Variants in CHRM3 observed in about 807,000 individuals in gnomAD.
CHRM3 encodes cholinergic receptor muscarinic 3, also known as muscarinic acetylcholine receptor M3.
CHRM3 carries 11 observed loss-of-function variants against 41.8 expected under a neutral mutation model. That is an observed-to-expected ratio of 0.26 (90% CI 0.17 to 0.44). The LOEUF (loss-of-function observed/expected upper bound fraction) is 0.44, where lower values mean the gene tolerates loss of function less well. Among genes scored for constraint, CHRM3 ranks in the 20% least tolerant of loss-of-function variants. The pLI is 1.00. For missense variants in CHRM3, 571 were observed against 745.4 expected, an observed-to-expected ratio of 0.77 and a Z score of 2.72; for synonymous variants, 297 against 301.4, an observed-to-expected ratio of 0.99 and a Z score of 0.15.
rs531451428 is a variant in CHRM3, at chr1:239,903,328, C to G, written c.-19-4105C>G. 7.2e-5 allele frequency among the ~76,000 whole-genome samples: 11 copies of G among 152,244 alleles called. No individual in the cohort carries two copies. The South Asian group carries it at 2.1e-3, about 29-fold the overall frequency. On this transcript the variant is annotated intron_variant, in intron 6 of 6. Coordinates refer to ENST00000676153, the MANE Select transcript of CHRM3 (RefSeq NM_001375978.1). ...ATGTATACAAACATAATGTGATTATCCACAGAGAGTAATTTGATATTGCCT... is the reference window on the plus strand; with the variant it reads ...ATGTATACAAACATAATGTGATTATGCACAGAGAGTAATTTGATATTGCCT...
At chr1:239,631,235 A>G (rs1340354468) in intron 3 of CHRM3, among the ~76,000 whole-genome samples, 2 of 151,968 alleles carry the variant, frequency 1.3e-5, no homozygotes, top group African/African-American at 4.8e-5. Context: ...TTGCTGTAAA[A>G]CTCTCTCGAA....
At position 239,908,768 on chromosome 1, in the gene CHRM3, G is replaced by C; in HGVS notation, c.1317G>C (p.Lys439Asn). ...TAGAGTCAGCCGTGGACACAGCTAA[G>C]ACTTCTGACGTCAACTCCTCAGTGG... ...IQLESAVDTA[K>N]TSDVNSSVGK... is the part of the protein sequence containing the mutation. Residue 439 changes from lysine (K) to asparagine (N), a missense_variant, in exon 7 of 7, where the codon AAG becomes AAC. Lys to Asn is a moderately conservative substitution (Grantham distance 94). Coordinates refer to ENST00000676153, the MANE Select transcript of CHRM3 (RefSeq NM_001375978.1). The surrounding 1 kb of genome is among the most constrained non-coding windows in gnomAD (Gnocchi z 7.2). The C allele has an allele frequency of 3.1e-6, 5 of 1,614,072 alleles. No individual in the cohort carries two copies. The highest frequency in any genetic ancestry group is 4.2e-6 in the Non-Finnish European group (5 of 1,180,008).
chr1:239,828,688 A>T (rs1445129937), intron 6 of CHRM3, among the ~76,000 whole-genome samples: 1 of 151,948 alleles, frequency 6.6e-6, no homozygotes, highest in African/African-American at 2.4e-5. Flanking sequence ...GCAAGGGGAG[A>T]GGGGTATGAG....
intron 5 of CHRM3, chr1:239,720,167 T>C (rs1662820855): frequency 6.6e-6 from 1 of 152,020 alleles, no homozygotes; most frequent in Non-Finnish European, 1.5e-5. Flanking sequence ...ATTTACACGC[T>C]GCGTTTGCAA....
intron 2 of CHRM3, among the ~76,000 whole-genome samples, chr1:239,508,017 A>G (rs531315091): frequency 3.3e-5 from 5 of 152,342 alleles, no homozygotes; most frequent in East Asian, 1.9e-4. Flanking sequence ...TGAGGCAGAA[A>G]ATATTAATTC....
intron 5 of CHRM3, among the ~76,000 whole-genome samples, chr1:239,752,735 G>A (rs1558512543): frequency 1.3e-5 from 2 of 152,114 alleles, no homozygotes; most frequent in Non-Finnish European, 2.9e-5. Flanking sequence ...AGATAGAATA[G>A]TTTAATAAAG....
chr1:239,859,425 T>G lies in CHRM3; in HGVS notation c.-20+32047T>G, dbSNP rs74991201. ...TTTTGTTGTTGTTGTTGTTGTTTTT[T>G]TTTTTTGTTTTTTTTTTTGAGGTGG... is the stretch of plus-strand genomic sequence containing the variant. On this transcript the variant is annotated intron_variant, in intron 6 of 6. Transcript: ENST00000676153. 5.3e-3 allele frequency among the ~76,000 whole-genome samples: 753 copies of G among 141,138 alleles called. 9 individuals carry two copies. Among genetic ancestry groups the G allele is most frequent in the South Asian group, 0.024 (110 of 4,518 alleles). The allele number at this position is 141,138 out of a possible 152,430, so 92.6% of individuals were successfully genotyped here. A position where few individuals can be genotyped will look rare whatever the true frequency, so the allele number is the denominator to read the frequency against.
rs146641023 is a variant in CHRM3, at chr1:239,902,792, G to A, written c.-19-4641G>A. On this transcript the variant is annotated intron_variant, in intron 6 of 6. Transcript: ENST00000676153. ...TTAACTCGTTAACTTATTAACTCTT[G>A]TCCTTTGGATGTTGTATCACATGGG... is the stretch of plus-strand genomic sequence containing the variant. Among the ~76,000 whole-genome samples, 8 of 152,298 alleles carry A rather than the reference G, an allele frequency of 5.3e-5. No individual in the cohort carries two copies. The East Asian group carries it at 1.5e-3, about 29-fold the overall frequency.
intron 1 of CHRM3, among the ~76,000 whole-genome samples, chr1:239,484,706 AT>A (rs770098516): frequency 7.9e-5 from 12 of 152,218 alleles, no homozygotes; most frequent in Non-Finnish European, 1.8e-4. Flanking sequence ...CCTAAAAATT[AT>A]TTTTGAAAAA....
At chr1:239,621,464 C>T (rs1207990393) in intron 3 of CHRM3, among the ~76,000 whole-genome samples, 1 of 152,140 alleles carries the variant, frequency 6.6e-6, no homozygotes, top group Admixed American at 6.6e-5. Flanking sequence ...AGTGATGCCT[C>T]TTACACCAAA....
At chr1:239,860,808 T>C (rs948733785) in intron 6 of CHRM3, among the ~76,000 whole-genome samples, 6 of 152,180 alleles carry the variant, frequency 3.9e-5, no homozygotes, top group Non-Finnish European at 5.9e-5. Context: ...AATTGATAAA[T>C]CAGTCTGTGT....
At chr1:239,508,942 A>G (rs1668750407) in intron 2 of CHRM3, among the ~76,000 whole-genome samples, 1 of 152,224 alleles carries the variant, frequency 6.6e-6, no homozygotes, top group Non-Finnish European at 1.5e-5. Flanking sequence ...AGGGAAGACT[A>G]GAAGAAGCAG....
chr1:239,827,846 A>G (rs1222679280), intron 6 of CHRM3, among the ~76,000 whole-genome samples: 1 of 152,230 alleles, frequency 6.6e-6, no homozygotes, highest in Non-Finnish European at 1.5e-5. Flanking sequence ...TGAACTGCAA[A>G]TATTTTTACA....
intron 4 of CHRM3, among the ~76,000 whole-genome samples, chr1:239,635,619 T>TATGAAAATA: frequency 6.6e-6 from 1 of 152,318 alleles, no homozygotes; most frequent in East Asian, 1.9e-4. Flanking sequence ...TCTTAAGGCA[T>TATGAAAATA]ACGAAAATAA....
At position 239,664,108 on chromosome 1, in the gene CHRM3, G is replaced by T. The variant is rs371522436; in HGVS notation, c.-249-14078G>T. 3.3e-4 allele frequency among the ~76,000 whole-genome samples: 50 copies of T among 152,198 alleles called. No individual in the cohort carries two copies. The South Asian group carries it at 4.1e-3, about 13-fold the overall frequency. On this transcript the variant is annotated intron_variant, in intron 4 of 6. Coordinates refer to ENST00000676153, the MANE Select transcript of CHRM3 (RefSeq NM_001375978.1). ...CTACCAAAATTCTATTTTAGTCTTT[G>T]TTTTAAAAATATTTTTAGGACATCA...
chr1:239,419,923 G>A (rs1381924376), intron 1 of CHRM3, among the ~76,000 whole-genome samples: 1 of 152,122 alleles, frequency 6.6e-6, no homozygotes, highest in Admixed American at 6.5e-5. Flanking sequence ...TTATTTCAAT[G>A]AGACTGATCG....
chr1:239,511,453 G>A (rs1349525820), intron 2 of CHRM3, among the ~76,000 whole-genome samples: 2 of 152,152 alleles, frequency 1.3e-5, no homozygotes, highest in Non-Finnish European at 2.9e-5. Flanking sequence ...GTGAGATTAA[G>A]TTTTTAAAGG....
At position 239,401,384 on chromosome 1, in the gene CHRM3, C is replaced by T. The variant is rs78686829; in HGVS notation, c.-521+14157C>T. On this transcript the variant is annotated intron_variant, in intron 1 of 6. Transcript: ENST00000676153. The stretch of plus-strand genomic sequence containing the variant: ...AAGATATTTTCCTCTAACTATGGAA[C>T]GTTTGACTTGACTTTCCTTAAAGTA... 6.5e-3 allele frequency among the ~76,000 whole-genome samples: 994 copies of T among 152,272 alleles called. 16 individuals are homozygous for T. In the East Asian group the frequency reaches 0.074, roughly 11 times the overall value.
chr1:239,417,731 T>C (rs1661615022), intron 1 of CHRM3, among the ~76,000 whole-genome samples: 1 of 152,124 alleles, frequency 6.6e-6, no homozygotes, highest in Non-Finnish European at 1.5e-5. Flanking sequence ...TAACAAGAAA[T>C]TAATTCTGAG....
Sources: allele counts gnomAD v4.1 joint callset (sites outside exome capture counted in the v4.1 genomes callset), GRCh38; gene constraint gnomAD v4.1.1; non-coding constraint Gnocchi (gnomAD v3.1); transcripts MANE v1.5; gene names NCBI Gene and HGNC (gene_info 2026-07-23, HGNC 2026-07-21).